ASMT: variants seen among roughly 807,000 people sequenced by gnomAD.
The protein encoded by ASMT is acetylserotonin N-methyltransferase.
Under a neutral mutation model 41.3 loss-of-function variants are expected in ASMT, and 53 were observed. The ratio of observed to expected loss-of-function variants is 1.28; its 90% CI spans 1.03 to 1.61. ASMT has a LOEUF of 1.61. ASMT is among the 40% of genes most tolerant of loss of function. The pLI, the probability that ASMT is intolerant of heterozygous loss-of-function variation, is 0.00. For missense variants in ASMT, 531 were observed against 441.3 expected (o/e 1.20, Z -1.82); for synonymous variants, 231 against 184.8 (o/e 1.25, Z -2.03).
At chrX:1,630,070 C>G in intron 5 of ASMT, 131 bp downstream of exon 5, 1 of 865,228 alleles carries the variant, frequency 1.2e-6, no homozygotes. Context: ...TTAGAGGAAT[C>G]ATTCCTCCCA....
At chrX:1,631,078 T>G (rs1255659437) in intron 5 of ASMT, among the ~76,000 whole-genome samples, 3 of 82,534 alleles carry the variant, frequency 3.6e-5, no homozygotes, top group Non-Finnish European at 6.2e-5. Flanking sequence ...GCCCAGCTAA[T>G]TTTTTGTTTT....
At chrX:1,635,546 A>C (rs1934926844) in intron 7 of ASMT, among the ~76,000 whole-genome samples, 1 of 152,050 alleles carries the variant, frequency 6.6e-6, no homozygotes, top group African/African-American at 2.4e-5. Context: ...GTGCTTTTGC[A>C]GGGGACATCA....
At chrX:1,626,042 G>T (rs1934537969) in intron 3 of ASMT, among the ~76,000 whole-genome samples, 1 of 151,548 alleles carries the variant, frequency 6.6e-6, no homozygotes, top group Admixed American at 6.6e-5. Flanking sequence ...AAATCTCCAG[G>T]TAGCAGGCTT....
chrX:1,615,363 A>C, intron 1 of ASMT, 95 bp downstream of exon 1: 5 of 1,208,842 alleles, frequency 4.1e-6, no homozygotes, highest in East Asian at 2.5e-5. Context: ...ATGAGTCTCC[A>C]TCATTTTAGG....
At chrX:1,635,731 G>A (rs28677028) in intron 7 of ASMT, among the ~76,000 whole-genome samples, 46,929 of 150,690 alleles carry the variant, frequency 0.31, 7,523 homozygotes, top group African/African-American at 0.4. Context: ...GCGTGGTGGC[G>A]GGTGCCTGTA....
chrX:1,624,384 G>C lies in ASMT; in HGVS notation c.360G>C (p.Leu120=). The C allele has an allele frequency of 6.2e-7, 1 of 1,613,574 alleles. No homozygotes were observed. Among genetic ancestry groups the C allele is most frequent in the Non-Finnish European group, 8.5e-7 (1 of 1,179,874 alleles). ...CCAGCTACCGGTGCTGGGGCCACCTGGCAGACGCCGTGAGGTGGGGGCTGC... is the reference window on the plus strand; with the variant it reads ...CCAGCTACCGGTGCTGGGGCCACCTCGCAGACGCCGTGAGGTGGGGGCTGC... ...GRTSYRCWGH[L]ADAVREGRNQ... Residue 120 remains leucine, a synonymous_variant, in exon 3 of 9, where the codon CTG becomes CTC. Coordinates refer to ENST00000381241, the MANE Select transcript of ASMT (RefSeq NM_001171038.2).
Position 1,624,249 on chromosome X carries a change from T to G in ASMT, c.245-20T>G. The G allele has an allele frequency of 6.2e-7, 1 of 1,613,728 alleles. No homozygotes were observed. The highest frequency in any genetic ancestry group is 8.5e-7 in the Non-Finnish European group (1 of 1,179,776). ...TCGGAATCTCACTGCTTTTTCCCTG[T>G]TTTTTTGTGTGTGTTTCAGCTTTCT... On this transcript the variant is annotated intron_variant, in intron 2 of 8. Coordinates refer to ENST00000381241, the MANE Select transcript of ASMT (RefSeq NM_001171038.2).
intron 8 of ASMT, among the ~76,000 whole-genome samples, chrX:1,642,449 C>T (rs1462499080): frequency 7.1e-6 from 1 of 140,520 alleles, no homozygotes; most frequent in Admixed American, 7.1e-5. Context: ...AGGACAGTGT[C>T]CCAGTGTCCT....
intron 1 of ASMT, among the ~76,000 whole-genome samples, chrX:1,618,083 A>G (rs1934204422): frequency 6.6e-6 from 1 of 152,128 alleles, no homozygotes; most frequent in Non-Finnish European, 1.5e-5. Context: ...GGTTCAAGCG[A>G]TTCTCCTGCC....
chrX:1,642,472 G>A (rs6644796), intron 8 of ASMT, among the ~76,000 whole-genome samples: 4 of 143,358 alleles, frequency 2.8e-5, no homozygotes, highest in East Asian at 4.2e-4. Context: ...GAGGTCCATC[G>A]ATCCTGATGG....
chrX:1,623,443 C>CA lies in ASMT; in HGVS notation c.244+136dup, dbSNP rs768605384. On this transcript the variant is annotated intron_variant, in intron 2 of 8. Coordinates refer to ENST00000381241, the MANE Select transcript of ASMT (RefSeq NM_001171038.2). ...AACCCCGTCTCTACTAAAAAAAATA[C>CA]AAAAAATTAGCCGGGTGTGGTGGCG... 9 of 1,219,850 alleles carry CA rather than the reference C, an allele frequency of 7.4e-6. No individual in the cohort carries two copies. The East Asian group carries it at 2.3e-4, about 31-fold the overall frequency. The allele number at this position is 1,219,850 out of a possible 1,614,324, so 75.6% of individuals were successfully genotyped here.
chrX:1,616,721 C>G (rs1186612844), intron 1 of ASMT, among the ~76,000 whole-genome samples: 2 of 150,536 alleles, frequency 1.3e-5, no homozygotes, highest in Admixed American at 1.3e-4. Flanking sequence ...ATTCTTTTTT[C>G]TTTTTGAGAC....
intron 1 of ASMT, among the ~76,000 whole-genome samples, chrX:1,622,361 G>A (rs1934367037): frequency 6.6e-6 from 1 of 151,322 alleles, no homozygotes. Flanking sequence ...TGAGATCTCG[G>A]CTCACTGCAA....
chrX:1,629,224 G>C (rs1214130996), intron 4 of ASMT, among the ~76,000 whole-genome samples: 2 of 152,192 alleles, frequency 1.3e-5, no homozygotes, highest in African/African-American at 2.4e-5. Context: ...CACCTGAATA[G>C]TGACCGTGGT....
intron 1 of ASMT, among the ~76,000 whole-genome samples, chrX:1,619,106 A>G (rs1260502403): frequency 6.6e-6 from 1 of 152,116 alleles, no homozygotes; most frequent in African/African-American, 2.4e-5. Flanking sequence ...AACATTTAGT[A>G]TACCCTTGGC....
intron 7 of ASMT, among the ~76,000 whole-genome samples, chrX:1,635,219 CG>C (rs1173738316): frequency 1.3e-5 from 2 of 148,678 alleles, no homozygotes; most frequent in African/African-American, 5.0e-5. Flanking sequence ...CTCCTGATCT[CG>C]TGATCTGCCC....
intron 2 of ASMT, among the ~76,000 whole-genome samples, chrX:1,623,798 G>C (rs1233229863): frequency 6.6e-6 from 1 of 151,720 alleles, no homozygotes; most frequent in Non-Finnish European, 1.5e-5. Context: ...CCTGACCTCA[G>C]GTGATCCACC....
At chrX:1,634,057 G>C (rs1256948153) in intron 7 of ASMT, among the ~76,000 whole-genome samples, 2 of 151,940 alleles carry the variant, frequency 1.3e-5, no homozygotes, top group Non-Finnish European at 2.9e-5. Flanking sequence ...ACAGGCGTGA[G>C]CCACCGCACC....
At chrX:1,623,103 T>C in intron 1 of ASMT, 36 bp from the exon 2 acceptor site, 1 of 1,611,742 alleles carries the variant, frequency 6.2e-7, no homozygotes, top group Non-Finnish European at 8.5e-7. Flanking sequence ...CCCAGGAGGC[T>C]GAGCCCTGAC....
Sources: allele counts gnomAD v4.1 joint callset (sites outside exome capture counted in the v4.1 genomes callset), GRCh38; gene constraint gnomAD v4.1.1; transcripts MANE v1.5; gene names NCBI Gene and HGNC (gene_info 2026-07-23, HGNC 2026-07-21).